Variants in NUP153 observed in about 807,000 individuals in gnomAD.
NUP153 encodes the protein nuclear pore complex protein Nup153.
In NUP153, 27 loss-of-function variants were observed where a neutral mutation model predicts 134.6. That is an observed-to-expected ratio of 0.20 (90% CI 0.15 to 0.28). The LOEUF is 0.28. Among genes scored for constraint, NUP153 ranks in the 10% least tolerant of loss-of-function variants. The probability of loss-of-function intolerance (pLI) is 1.00; values close to 1 mark genes in which losing one functional copy is unlikely to be tolerated. For synonymous variants in NUP153, 640 were observed against 623.5 expected (o/e 1.03, Z -0.40); for missense variants, 1,821 against 1,731.3 (o/e 1.05, Z -0.92).
At chr6:17,702,569 G>C (rs1052880875) in intron 1 of NUP153, among the ~76,000 whole-genome samples, 1 of 151,856 alleles carries the variant, frequency 6.6e-6, no homozygotes, top group Admixed American at 6.6e-5. Flanking sequence ...CCAGCTACTC[G>C]GGAGGCTGAG....
At chr6:17,662,104 T>G in intron 9 of NUP153, 34 bp from the exon 10 acceptor site, 1 of 1,597,894 alleles carries the variant, frequency 6.3e-7, no homozygotes, top group Non-Finnish European at 8.5e-7. Flanking sequence ...TTACGTTTGC[T>G]TATTTGTTGT....
intron 20 of NUP153, among the ~76,000 whole-genome samples, chr6:17,618,010 C>T (rs1764429091): frequency 6.6e-6 from 1 of 152,120 alleles, no homozygotes; most frequent in Non-Finnish European, 1.5e-5. Flanking sequence ...AAGTGTAGCT[C>T]GATATTCACA....
In NUP153 at chr6:17,624,752, C is replaced by T. The variant is rs1764838669; in HGVS notation, c.3983G>A (p.Gly1328Glu). 1 of 1,614,098 alleles carries T rather than the reference C, an allele frequency of 6.2e-7. No individual in the cohort carries two copies. The highest frequency in any genetic ancestry group is 1.3e-5 in the African/African-American group (1 of 75,016). Reference sequence around the variant, plus strand: ...GGGCTGGCTGGCACCTTGACTTTGTCCAAATGTTGGGGTCTGGTTAGCACC... The same window carrying T: ...GGGCTGGCTGGCACCTTGACTTTGTTCAAATGTTGGGGTCTGGTTAGCACC... Reference protein sequence around the residue: ...AFGANQTPTFGQSQGASQPNP... With the variant: ...AFGANQTPTFEQSQGASQPNP... The change falls in exon 20 of 22, where the codon GGA becomes GAA. Residue 1328 changes from glycine (G) to glutamate (E), a missense_variant. Gly to Glu is a moderately conservative substitution (Grantham distance 98). Coordinates refer to ENST00000262077, the MANE Select transcript of NUP153 (RefSeq NM_005124.4).
intron 1 of NUP153, among the ~76,000 whole-genome samples, chr6:17,689,115 G>A (rs1769123483): frequency 1.3e-5 from 2 of 152,150 alleles, no homozygotes; most frequent in East Asian, 1.9e-4. Flanking sequence ...GCCAAGCGAG[G>A]TGGTTCATGC....
At chr6:17,635,917 C>G (rs758184659) in intron 16 of NUP153, among the ~76,000 whole-genome samples, 1 of 152,226 alleles carries the variant, frequency 6.6e-6, no homozygotes, top group African/African-American at 2.4e-5. Context: ...CAAATTACTT[C>G]CTGACTCAAA....
In NUP153 at chr6:17,680,091, G is replaced by A. The variant is rs924136565; in HGVS notation, c.335-4321C>T. Among the ~76,000 whole-genome samples, 6 of 152,002 alleles carry A rather than the reference G, an allele frequency of 3.9e-5. No individual in the cohort carries two copies. Among genetic ancestry groups the A allele is most frequent in the East Asian group, 3.9e-4 (2 of 5,188 alleles). ...AAAAAAATTCCTACTGGCTTTTTCC[G>A]GGAAGCCAGGAAGAGGATCCTTGAG... On this transcript the variant is annotated intron_variant, in intron 2 of 21. Transcript: ENST00000262077. The surrounding 1 kb of genome is among the most constrained non-coding windows in gnomAD (Gnocchi z 4.5).
At chr6:17,650,486 C>A (rs760537389) in intron 11 of NUP153, among the ~76,000 whole-genome samples, 2 of 152,126 alleles carry the variant, frequency 1.3e-5, no homozygotes, top group Non-Finnish European at 2.9e-5. Context: ...CTGCTGCCTA[C>A]CACAGGGGAG....
Position 17,618,744 on chromosome 6 carries a change from TC to T in NUP153, c.4175-2050del, listed in dbSNP as rs535918993. On this transcript the variant is annotated intron_variant, in intron 20 of 21. Transcript: ENST00000262077. ...CCACGCCTGGCTAATTTTTTGTATTTCTTAGTAGAGATGGGGTTTCACCGTG... is the reference window on the plus strand; with the variant it reads ...CCACGCCTGGCTAATTTTTTGTATTTTTAGTAGAGATGGGGTTTCACCGTG... Among the ~76,000 whole-genome samples the T allele has an allele frequency of 5.5e-3, 833 of 152,060 alleles. 4 individuals are homozygous for T. The highest frequency in any genetic ancestry group is 0.014 in the South Asian group (69 of 4,810).
In NUP153 at chr6:17,688,554, A is replaced by G; in HGVS notation, c.176T>C (p.Phe59Ser). The G allele has an allele frequency of 6.2e-7, 1 of 1,614,118 alleles. No homozygotes were observed. The change falls in exon 2 of 22, where the codon TTC becomes TCC. Residue 59 changes from phenylalanine to serine, a missense_variant. Physicochemically the swap from Phe to Ser is radical, Grantham distance 155. Transcript: ENST00000262077. Reference protein sequence around the residue: ...NIVPGWLQRYFNKNEDVCSCS... With the variant: ...NIVPGWLQRYSNKNEDVCSCS... ...GCTGCATACATCTTCATTCTTGTTG[A>G]AGTATCTTTGTAGCCACCCTGGCAC...
At chr6:17,686,891 C>T (rs1279633403) in intron 2 of NUP153, among the ~76,000 whole-genome samples, 18 of 2,318 alleles carry the variant, frequency 7.8e-3, no homozygotes, top group South Asian at 0.069. Flanking sequence ...CGGGGGCGGG[C>T]GGCGGGGGAG....
chr6:17,661,574 C>T (rs1314543511), intron 11 of NUP153, 79 bp downstream of exon 11: 21 of 1,406,530 alleles, frequency 1.5e-5, no homozygotes, highest in Non-Finnish European at 1.9e-5. Flanking sequence ...CGAACCCCAC[C>T]CCTACAGGTC....
intron 10 of NUP153, 103 bp downstream of exon 10, chr6:17,661,915 T>C: frequency 7.9e-7 from 1 of 1,272,516 alleles, no homozygotes. Flanking sequence ...TTATATAAAG[T>C]TTCTGTTCTT....
At chr6:17,663,741 T>A (rs78432376) in intron 9 of NUP153, among the ~76,000 whole-genome samples, 2 of 152,072 alleles carry the variant, frequency 1.3e-5, no homozygotes, top group Non-Finnish European at 2.9e-5. Context: ...AGAAATGAGA[T>A]AAAATATAAC....
chr6:17,636,661 T>G (rs1156434276), intron 16 of NUP153, among the ~76,000 whole-genome samples: 1 of 152,176 alleles, frequency 6.6e-6, no homozygotes, highest in Middle Eastern at 3.2e-3. Context: ...AACTCAAAAC[T>G]AACTCCATGT....
intron 14 of NUP153, among the ~76,000 whole-genome samples, chr6:17,644,903 T>C (rs1446793487): frequency 6.6e-6 from 1 of 152,010 alleles, no homozygotes; most frequent in African/African-American, 2.4e-5. Context: ...AGCTAACATG[T>C]TGAAACCCTG....
chr6:17,697,187 G>C (rs900498873), intron 1 of NUP153, among the ~76,000 whole-genome samples: 1 of 152,154 alleles, frequency 6.6e-6, no homozygotes, highest in Non-Finnish European at 1.5e-5. Flanking sequence ...TTTAGAATGT[G>C]AACTGGCTAA....
At chr6:17,657,821 A>C (rs1581715402) in intron 11 of NUP153, among the ~76,000 whole-genome samples, 1 of 152,244 alleles carries the variant, frequency 6.6e-6, no homozygotes, top group African/African-American at 2.4e-5. Flanking sequence ...CATTATAACA[A>C]TTTGCCACTT....
In NUP153 at chr6:17,637,309, T is replaced by G. The variant is rs368887128; in HGVS notation, c.2308A>C (p.Met770Leu). The G allele has an allele frequency of 6.2e-7, 1 of 1,614,208 alleles. No individual in the cohort carries two copies. Among genetic ancestry groups the G allele is most frequent in the East Asian group, 2.2e-5 (1 of 44,886 alleles). The change falls in exon 16 of 22, where the codon ATG becomes CTG. Residue 770 changes from methionine (M) to leucine (L), a missense_variant. Physicochemically the swap from Met to Leu is conservative, Grantham distance 15. Transcript: ENST00000262077. ...GTGCAGCTGGAAGATGAAGCAGTCA[T>G]AGTCTCAGCACTTTCCGAAACCACT... is the stretch of plus-strand genomic sequence containing the variant. ...LTVVSESAET[M>L]TASSSSCTVT...
intron 16 of NUP153, among the ~76,000 whole-genome samples, chr6:17,634,090 C>T (rs1293910163): frequency 1.3e-5 from 2 of 152,080 alleles, no homozygotes; most frequent in African/African-American, 4.8e-5. Flanking sequence ...TCTTCTACTG[C>T]TATTCTGGTT....
Sources: allele counts gnomAD v4.1 joint callset (sites outside exome capture counted in the v4.1 genomes callset), GRCh38; gene constraint gnomAD v4.1.1; non-coding constraint Gnocchi (gnomAD v3.1); transcripts MANE v1.5; gene names NCBI Gene and HGNC (gene_info 2026-07-23, HGNC 2026-07-21).